SUPT3H: variants seen among roughly 807,000 people sequenced by gnomAD.
The protein encoded by SUPT3H is transcription initiation protein SPT3 homolog.
A neutral mutation model predicts 44.3 loss-of-function variants in SUPT3H; 44 were observed. That is an observed-to-expected ratio of 0.99 (90% CI 0.78 to 1.28). SUPT3H has a LOEUF of 1.28. SUPT3H is among the 50% of genes most tolerant of loss of function. The probability of loss-of-function intolerance (pLI) is 0.00; values close to 1 mark genes in which losing one functional copy is unlikely to be tolerated. For missense variants in SUPT3H, 380 were observed against 387.1 expected, an observed-to-expected ratio of 0.98 and a Z score of 0.15; for synonymous variants, 124 against 125.6, an observed-to-expected ratio of 0.99 and a Z score of 0.09.
At chr6:45,122,119 C>A (rs1319654801) in intron 2 of SUPT3H, among the ~76,000 whole-genome samples, 2 of 151,886 alleles carry the variant, frequency 1.3e-5, no homozygotes, top group Admixed American at 1.3e-4. Flanking sequence ...CAAAATTAAT[C>A]TATTTACCAT....
chr6:45,000,491 C>A (rs879086021), intron 6 of SUPT3H, among the ~76,000 whole-genome samples: 11 of 152,118 alleles, frequency 7.2e-5, no homozygotes, highest in Admixed American at 3.9e-4. Context: ...AACCCTGGGA[C>A]TCAAAATCTC....
In SUPT3H at chr6:45,058,953, G is replaced by C. The variant is rs377475191; in HGVS notation, c.187-38321C>G. Among the ~76,000 whole-genome samples, 7 of 152,102 alleles carry C rather than the reference G, an allele frequency of 4.6e-5. No homozygotes were observed. The South Asian group carries it at 1.2e-3, about 27-fold the overall frequency. On this transcript the variant is annotated intron_variant, in intron 3 of 10. Coordinates refer to ENST00000371459, the MANE Select transcript of SUPT3H (RefSeq NM_003599.4). The stretch of plus-strand genomic sequence containing the variant: ...TTTAAGTAGGTCTGATCGCTCTCTT[G>C]GTTGACTATTTAAGCACTTTGTACC...
intron 2 of SUPT3H, among the ~76,000 whole-genome samples, chr6:45,220,034 C>A (rs1584330403): frequency 1.2e-5 from 1 of 81,552 alleles, no homozygotes; most frequent in African/African-American, 5.0e-5. Context: ...GAGAGAGACT[C>A]TGTCTCAAAA....
chr6:45,220,690 C>A (rs1187814838), intron 2 of SUPT3H, among the ~76,000 whole-genome samples: 1 of 152,164 alleles, frequency 6.6e-6, no homozygotes, highest in African/African-American at 2.4e-5. Context: ...AAAGAATCTA[C>A]AAAAGCCTCC....
chr6:45,323,098 A>C, intron 2 of SUPT3H: 1 of 575,282 alleles, frequency 1.7e-6, no homozygotes, highest in Non-Finnish European at 3.0e-6. Flanking sequence ...AAACACTGAC[A>C]ATTTATATAC....
chr6:45,148,406 T>A (rs1250976620), intron 2 of SUPT3H, among the ~76,000 whole-genome samples: 1 of 152,144 alleles, frequency 6.6e-6, no homozygotes, highest in East Asian at 1.9e-4. Flanking sequence ...GAAATGCAAA[T>A]GTGTCCCAAT....
intron 2 of SUPT3H, among the ~76,000 whole-genome samples, chr6:45,138,661 A>G (rs1804701667): frequency 6.6e-6 from 1 of 152,126 alleles, no homozygotes; most frequent in Non-Finnish European, 1.5e-5. Flanking sequence ...TGCCCAGAAG[A>G]GGCAAATATA....
At chr6:45,281,593 G>A (rs537574363) in intron 2 of SUPT3H, among the ~76,000 whole-genome samples, 2 of 152,318 alleles carry the variant, frequency 1.3e-5, no homozygotes, top group Admixed American at 6.5e-5. Flanking sequence ...AAGCAGCCGG[G>A]AAGCTCAAAC....
At chr6:45,282,926 A>G (rs1252131137) in intron 2 of SUPT3H, among the ~76,000 whole-genome samples, 2 of 152,242 alleles carry the variant, frequency 1.3e-5, no homozygotes, top group Admixed American at 6.5e-5. Flanking sequence ...GTGGGGGCCA[A>G]CATTCAACAT....
intron 2 of SUPT3H, among the ~76,000 whole-genome samples, chr6:45,357,782 G>A (rs1245108960): frequency 6.6e-6 from 1 of 152,088 alleles, no homozygotes; most frequent in Admixed American, 6.5e-5. Flanking sequence ...ACATAAAAAT[G>A]AGAACCTAAA....
chr6:45,187,101 TAAAAAA>T (rs70996308), intron 2 of SUPT3H, among the ~76,000 whole-genome samples: 4 of 79,856 alleles, frequency 5.0e-5, no homozygotes, highest in African/African-American at 1.9e-4. Context: ...TTTTCGCCTT[TAAAAAA>T]AAAAAAAAAA....
intron 2 of SUPT3H, among the ~76,000 whole-genome samples, chr6:45,233,971 C>A (rs1768583579): frequency 6.6e-6 from 1 of 152,092 alleles, no homozygotes; most frequent in East Asian, 1.9e-4. Context: ...CTAAAAACAA[C>A]TAAAATGGAT....
chr6:44,975,298 T>C (rs1778167545), intron 6 of SUPT3H, among the ~76,000 whole-genome samples: 1 of 152,212 alleles, frequency 6.6e-6, no homozygotes, highest in African/African-American at 2.4e-5. Context: ...TAGAAAACCA[T>C]AAGTATTCTA....
chr6:45,316,830 A>G (rs1784766443), intron 2 of SUPT3H, among the ~76,000 whole-genome samples: 1 of 152,224 alleles, frequency 6.6e-6, no homozygotes, highest in Non-Finnish European at 1.5e-5. Context: ...TGTTAAAACC[A>G]GGCACAGCGG....
intron 6 of SUPT3H, among the ~76,000 whole-genome samples, chr6:44,963,979 CAGAG>C (rs1320556934): frequency 1.3e-5 from 2 of 149,226 alleles, no homozygotes; most frequent in African/African-American, 5.0e-5. Flanking sequence ...CCCTGGGAAA[CAGAG>C]GGAGACTCCG....
chr6:44,968,970 C>T (rs1777169953), intron 6 of SUPT3H, among the ~76,000 whole-genome samples: 1 of 152,150 alleles, frequency 6.6e-6, no homozygotes, highest in African/African-American at 2.4e-5. Flanking sequence ...ACTGCTGCCA[C>T]CCTGCCACTC....
chr6:45,305,988 T>A (rs1262052771), intron 2 of SUPT3H, among the ~76,000 whole-genome samples: 1 of 152,224 alleles, frequency 6.6e-6, no homozygotes, highest in Non-Finnish European at 1.5e-5. Flanking sequence ...ATTCTGCATA[T>A]ACCTGTACTC....
intron 2 of SUPT3H, among the ~76,000 whole-genome samples, chr6:45,211,519 C>T (rs114339228): frequency 0.017 from 2,663 of 152,212 alleles, 49 homozygotes; most frequent in South Asian, 0.085. Flanking sequence ...ACATCTCCTT[C>T]GGTATTTGTC....
intron 1 of SUPT3H, among the ~76,000 whole-genome samples, chr6:45,377,090 G>A (rs1212143587): frequency 1.4e-5 from 2 of 142,404 alleles, no homozygotes; most frequent in South Asian, 2.2e-4. Context: ...GATTCTCTGA[G>A]AAAATAAGGT....
Sources: gnomAD v4.1 joint callset for allele counts (sites outside exome capture counted in the v4.1 genomes callset) on GRCh38, gnomAD v4.1.1 for gene constraint, MANE v1.5 for transcripts, NCBI Gene and HGNC (gene_info 2026-07-23, HGNC 2026-07-21) for gene names.